The following HDAC8 variants were observed in gnomAD, a reference collection of about 807,000 sequenced individuals.
HDAC8 encodes histone deacetylase-like 1.
A neutral mutation model predicts 32.2 loss-of-function variants in HDAC8; 1 was observed. The observed-to-expected ratio is 0.03, with a 90% confidence interval of 0.01 to 0.15. The LOEUF (loss-of-function observed/expected upper bound fraction) is 0.15. Among genes scored for constraint, HDAC8 ranks in the 10% least tolerant of loss-of-function variants. The pLI is 1.00. For synonymous variants in HDAC8, 108 were observed against 113.9 expected, an observed-to-expected ratio of 0.95 and a Z score of 0.33; for missense variants, 117 against 300.0, an observed-to-expected ratio of 0.39 and a Z score of 4.51.
intron 6 of HDAC8, among the ~76,000 whole-genome samples, chrX:72,490,138 C>T (rs1442502643): frequency 9.2e-6 from 1 of 109,208 alleles, no homozygotes; most frequent in Non-Finnish European, 1.9e-5. Flanking sequence ...AATAGGAACA[C>T]TTTTACACTG....
rs1458965715 is a variant in HDAC8 at position 72,528,256 on chromosome X, C to T, written c.438-32988G>A. Among the ~76,000 whole-genome samples, 10 of 111,572 alleles carry T rather than the reference C, an allele frequency of 9.0e-5. No individual in the cohort carries two copies. In the East Asian group the frequency reaches 2.8e-3, roughly 31 times the overall value. On this transcript the variant is annotated intron_variant, in intron 4 of 10. Transcript: ENST00000373573. Reference sequence around the variant, plus strand: ...TCTATCTCAACCCCCTAGCACAGTGCCAGCCCTACAAGAGATGCTCAGAAA... The same window carrying T: ...TCTATCTCAACCCCCTAGCACAGTGTCAGCCCTACAAGAGATGCTCAGAAA...
intron 5 of HDAC8, among the ~76,000 whole-genome samples, chrX:72,493,721 A>G (rs985500264): frequency 1.8e-5 from 2 of 111,735 alleles, no homozygotes; most frequent in Non-Finnish European, 3.8e-5. Context: ...TTAAGAGACA[A>G]TGGCTTGGTC....
chrX:72,500,247 TAGG>T (rs1225289042), intron 4 of HDAC8, among the ~76,000 whole-genome samples: 2 of 111,557 alleles, frequency 1.8e-5, no homozygotes, highest in Non-Finnish European at 3.8e-5. Context: ...CCAAAAAATT[TAGG>T]AGGAGGGACT....
At chrX:72,561,577 A>C in intron 4 of HDAC8, among the ~76,000 whole-genome samples, 1 of 112,686 alleles carries the variant, frequency 8.9e-6, no homozygotes, top group Admixed American at 9.4e-5. Context: ...AAACTATAAA[A>C]ATTCTAGAAG....
chrX:72,475,470 C>G (rs1323653015), intron 7 of HDAC8, among the ~76,000 whole-genome samples: 4 of 111,784 alleles, frequency 3.6e-5, no homozygotes, highest in Admixed American at 9.5e-5. Context: ...TCTAAATTCT[C>G]TCAATCCTAT....
chrX:72,384,408 C>A (rs1352532004), intron 9 of HDAC8, among the ~76,000 whole-genome samples: 2 of 111,773 alleles, frequency 1.8e-5, no homozygotes, highest in Non-Finnish European at 3.8e-5. Context: ...AACCCACATG[C>A]ATCCACTCTA....
Position 72,329,779 on chromosome X carries a change from T to C in HDAC8, c.*275A>G. On this transcript the variant is annotated 3_prime_UTR_variant, in exon 11 of 11. Coordinates refer to ENST00000373573, the MANE Select transcript of HDAC8 (RefSeq NM_018486.3). ...TTCGCTTAAAAATAATTTTCAAAGA[T>C]TAAAAATTTCATTTGTGTGTGTGTG... 1.8e-6 allele frequency: 2 copies of C among 1,123,582 alleles called. No individual in the cohort carries two copies. The highest frequency in any genetic ancestry group is 1.2e-6 in the Non-Finnish European group (1 of 837,665). The allele number at this position is 1,123,582 out of a possible 1,213,427, so 92.6% of individuals were successfully genotyped here.
chrX:72,506,732 C>T (rs1291854791), intron 4 of HDAC8, among the ~76,000 whole-genome samples: 1 of 111,735 alleles, frequency 8.9e-6, no homozygotes, highest in Non-Finnish European at 1.9e-5. Context: ...AGTACCCATA[C>T]CCTAGCTCCA....
intron 7 of HDAC8, among the ~76,000 whole-genome samples, chrX:72,476,201 T>G (rs1556000466): frequency 1.8e-5 from 2 of 110,674 alleles, no homozygotes; most frequent in Admixed American, 1.9e-4. Flanking sequence ...GAGCTAGAAT[T>G]AGAACACTAA....
intron 9 of HDAC8, among the ~76,000 whole-genome samples, chrX:72,442,064 G>A (rs1472378577): frequency 1.8e-5 from 2 of 111,291 alleles, no homozygotes; most frequent in Non-Finnish European, 3.8e-5. Context: ...TCTGATTGGT[G>A]TACCTGAAAG....
chrX:72,338,723 TA>T (rs1300537402), intron 10 of HDAC8, among the ~76,000 whole-genome samples: 1 of 100,428 alleles, frequency 1.0e-5, no homozygotes, highest in East Asian at 2.9e-4. Flanking sequence ...ATAATTTTTT[TA>T]TTTTTTTATT....
chrX:72,329,849 C>A lies in HDAC8; in HGVS notation c.*205G>T. 1.1e-6 allele frequency: 1 copy of A among 935,679 alleles called. No individual in the cohort carries two copies. Among genetic ancestry groups the A allele is most frequent in the Non-Finnish European group, 1.5e-6 (1 of 674,338 alleles). The allele number at this position is 935,679 out of a possible 1,213,427, so 77.1% of individuals were successfully genotyped here. A position where few individuals can be genotyped will look rare whatever the true frequency, so the allele number is the denominator to read the frequency against. ...TAAATGTGGGATATCTCCTTCTTCC[C>A]CTAGGTCCAGTTGAGGACTCTGGGG... is the stretch of plus-strand genomic sequence containing the variant. On this transcript the variant is annotated 3_prime_UTR_variant, in exon 11 of 11. Coordinates refer to ENST00000373573, the MANE Select transcript of HDAC8 (RefSeq NM_018486.3).
chrX:72,544,622 A>G (rs1307203528), intron 4 of HDAC8, among the ~76,000 whole-genome samples: 2 of 111,524 alleles, frequency 1.8e-5, no homozygotes, highest in African/African-American at 6.5e-5. Flanking sequence ...CGATTTTTAC[A>G]CTTTGGGGCT....
At chrX:72,484,555 C>T (rs1030531633) in intron 7 of HDAC8, among the ~76,000 whole-genome samples, 2 of 112,005 alleles carry the variant, frequency 1.8e-5, no homozygotes, top group Non-Finnish European at 3.8e-5. Context: ...TTTTCTTATG[C>T]GATATCTATT....
At chrX:72,397,487 G>A (rs910986588) in intron 9 of HDAC8, among the ~76,000 whole-genome samples, 4 of 111,102 alleles carry the variant, frequency 3.6e-5, no homozygotes, top group Admixed American at 9.5e-5. Flanking sequence ...TAATACATAC[G>A]TAAGTTATGA....
intron 9 of HDAC8, among the ~76,000 whole-genome samples, chrX:72,415,911 C>T (rs1268306942): frequency 4.5e-5 from 5 of 111,424 alleles, no homozygotes; most frequent in African/African-American, 1.3e-4. Context: ...TTATTTCTTC[C>T]GTTCTGTTTT....
intron 4 of HDAC8, among the ~76,000 whole-genome samples, chrX:72,544,542 A>G (rs2050803572): frequency 9.0e-6 from 1 of 111,442 alleles, no homozygotes; most frequent in Non-Finnish European, 1.9e-5. Flanking sequence ...AGGAGACTTC[A>G]TTTCAAAAAG....
At chrX:72,420,700 A>G (rs1186367145) in intron 9 of HDAC8, among the ~76,000 whole-genome samples, 5 of 112,064 alleles carry the variant, frequency 4.5e-5, no homozygotes, top group East Asian at 5.6e-4. Flanking sequence ...GTCTCAATCA[A>G]TTGATCAGTA....
rs782716580 is a variant in HDAC8 at position 72,556,883 on chromosome X, C to T, written c.437+11006G>A. 4.5e-5 allele frequency among the ~76,000 whole-genome samples: 5 copies of T among 112,169 alleles called. No homozygotes were observed. The East Asian group carries it at 1.4e-3, about 31-fold the overall frequency. On this transcript the variant is annotated intron_variant, in intron 4 of 10. Coordinates refer to ENST00000373573, the MANE Select transcript of HDAC8 (RefSeq NM_018486.3). ...TCAACAAAGAAACAATGGACTTAAACTATACTCTCGAACAAATGGACTTAA... is the reference window on the plus strand; with the variant it reads ...TCAACAAAGAAACAATGGACTTAAATTATACTCTCGAACAAATGGACTTAA...
Sources: gnomAD v4.1 joint callset for allele counts (sites outside exome capture counted in the v4.1 genomes callset) on GRCh38, gnomAD v4.1.1 for gene constraint, MANE v1.5 for transcripts, NCBI Gene and HGNC (gene_info 2026-07-23, HGNC 2026-07-21) for gene names.